Variants in GRID1 observed in about 807,000 individuals in gnomAD.
The protein encoded by GRID1 is glutamate receptor ionotropic, delta-1.
GRID1 carries 28 observed loss-of-function variants against 98.0 expected under a neutral mutation model. The ratio of observed to expected loss-of-function variants is 0.29; its 90% CI spans 0.21 to 0.39. GRID1 has a LOEUF of 0.39. GRID1 is among the 10% of genes least tolerant of loss of function. GRID1 has a pLI of 1.00. For missense variants in GRID1, 1,111 were observed against 1,340.5 expected, an observed-to-expected ratio of 0.83 and a Z score of 2.67; for synonymous variants, 553 against 538.5, an observed-to-expected ratio of 1.03 and a Z score of -0.37.
At chr10:85,707,307 A>G (rs900073800) in intron 12 of GRID1, among the ~76,000 whole-genome samples, 19 of 152,228 alleles carry the variant, frequency 1.2e-4, no homozygotes, top group Admixed American at 1.2e-3. Context: ...GGGCTAAAGG[A>G]TATGAACAGA....
intron 14 of GRID1, among the ~76,000 whole-genome samples, chr10:85,617,652 C>A (rs1490333675): frequency 6.6e-6 from 1 of 152,224 alleles, no homozygotes; most frequent in South Asian, 2.1e-4. Context: ...CTGTGGGAAG[C>A]CAGCACAGGC....
chr10:85,635,720 T>C (rs1159850645), intron 13 of GRID1, among the ~76,000 whole-genome samples: 1 of 152,148 alleles, frequency 6.6e-6, no homozygotes, highest in Non-Finnish European at 1.5e-5. Flanking sequence ...CTGGTGAGGC[T>C]GCACTCTGGG....
intron 2 of GRID1, among the ~76,000 whole-genome samples, chr10:86,313,003 C>T (rs1034622509): frequency 1.3e-5 from 2 of 152,232 alleles, no homozygotes; most frequent in African/African-American, 4.8e-5. Flanking sequence ...CACAGGCAGC[C>T]TCAGGAGGCC....
At chr10:85,611,316 A>G (rs1842730204) in intron 15 of GRID1, among the ~76,000 whole-genome samples, 1 of 152,228 alleles carries the variant, frequency 6.6e-6, no homozygotes, top group African/African-American at 2.4e-5. Context: ...CTAAAAGCAG[A>G]CAATGACTTC....
intron 4 of GRID1, among the ~76,000 whole-genome samples, chr10:86,137,346 A>G (rs2131970832): frequency 6.6e-6 from 1 of 152,352 alleles, no homozygotes; most frequent in Non-Finnish European, 1.5e-5. Context: ...GGTCACACAA[A>G]TAATAAGTCA....
chr10:85,760,922 TC>T (rs1842141636), intron 8 of GRID1, among the ~76,000 whole-genome samples: 1 of 152,162 alleles, frequency 6.6e-6, no homozygotes. Flanking sequence ...AGAAGGCATT[TC>T]GTCAAAGTGG....
intron 8 of GRID1, among the ~76,000 whole-genome samples, chr10:85,810,050 G>A (rs1380489231): frequency 1.3e-5 from 2 of 152,016 alleles, no homozygotes; most frequent in East Asian, 1.9e-4. Context: ...TAAAACCAGA[G>A]CCACTACTGG....
intron 12 of GRID1, among the ~76,000 whole-genome samples, chr10:85,652,405 G>A (rs141734656): frequency 5.3e-5 from 8 of 152,264 alleles, no homozygotes; most frequent in African/African-American, 1.4e-4. Flanking sequence ...TACGTAAAAC[G>A]GATTTCAACA....
chr10:86,143,354 C>T (rs1045030563), intron 3 of GRID1, among the ~76,000 whole-genome samples: 1 of 152,194 alleles, frequency 6.6e-6, no homozygotes, highest in Non-Finnish European at 1.5e-5. Context: ...TTTCTCCCTT[C>T]AAGAAACCAA....
intron 4 of GRID1, among the ~76,000 whole-genome samples, chr10:86,050,253 A>C (rs1225277059): frequency 6.6e-6 from 1 of 152,248 alleles, no homozygotes; most frequent in African/African-American, 2.4e-5. Context: ...CAATTTCTCT[A>C]TTGGCAAAAC....
At chr10:86,257,444 T>C (rs1846939990) in intron 2 of GRID1, among the ~76,000 whole-genome samples, 1 of 152,082 alleles carries the variant, frequency 6.6e-6, no homozygotes, top group Admixed American at 6.5e-5. Flanking sequence ...TCAACAGAGA[T>C]GGATTGAGAG....
intron 4 of GRID1, among the ~76,000 whole-genome samples, chr10:85,975,965 C>T (rs1842467144): frequency 2.6e-5 from 4 of 152,082 alleles, no homozygotes; most frequent in Admixed American, 2.6e-4. Context: ...GTGAGAACAC[C>T]AGGAAGCCCC....
intron 2 of GRID1, among the ~76,000 whole-genome samples, chr10:86,234,854 T>C (rs1343250294): frequency 6.6e-6 from 1 of 152,094 alleles, no homozygotes; most frequent in Non-Finnish European, 1.5e-5. Flanking sequence ...CCGGCTTCCT[T>C]AATGAGCCGA....
intron 3 of GRID1, among the ~76,000 whole-genome samples, chr10:86,188,443 C>T (rs1845755175): frequency 6.6e-6 from 1 of 152,198 alleles, no homozygotes; most frequent in South Asian, 2.1e-4. Context: ...CCTGTCCATA[C>T]CTTCCATTCT....
At chr10:85,991,721 A>G (rs1842682554) in intron 4 of GRID1, among the ~76,000 whole-genome samples, 1 of 152,162 alleles carries the variant, frequency 6.6e-6, no homozygotes, top group South Asian at 2.1e-4. Flanking sequence ...AAATAGGAAG[A>G]TGGTTAGCCC....
At chr10:85,735,600 G>A (rs1357076430) in intron 8 of GRID1, among the ~76,000 whole-genome samples, 1 of 152,154 alleles carries the variant, frequency 6.6e-6, no homozygotes, top group Non-Finnish European at 1.5e-5. Flanking sequence ...CCCTAAATGG[G>A]ACAGGCATCC....
At chr10:85,781,035 C>T (rs1842376707) in intron 8 of GRID1, among the ~76,000 whole-genome samples, 1 of 152,136 alleles carries the variant, frequency 6.6e-6, no homozygotes, top group Non-Finnish European at 1.5e-5. Context: ...GCTCAGGAGC[C>T]CACTCCTGGG....
intron 2 of GRID1, among the ~76,000 whole-genome samples, chr10:86,297,635 CT>C (rs1475246408): frequency 6.6e-6 from 1 of 152,042 alleles, no homozygotes; most frequent in East Asian, 1.9e-4. Flanking sequence ...AGTACAAAAG[CT>C]TTGTAGGAAA....
At chr10:85,627,962 CTGTG>C (rs1462961020) in intron 13 of GRID1, among the ~76,000 whole-genome samples, 4 of 152,156 alleles carry the variant, frequency 2.6e-5, no homozygotes, top group Non-Finnish European at 4.4e-5. Flanking sequence ...GCAACACACT[CTGTG>C]TGAGTAAGCA....
Sources: gnomAD v4.1 joint callset for allele counts (sites outside exome capture counted in the v4.1 genomes callset) on GRCh38, gnomAD v4.1.1 for gene constraint, MANE v1.5 for transcripts, NCBI Gene and HGNC (gene_info 2026-07-23, HGNC 2026-07-21) for gene names.